The following EYS variants were observed in gnomAD, a reference collection of about 807,000 sequenced individuals.
EYS encodes protein eyes shut homolog.
EYS carries 250 observed loss-of-function variants against 282.1 expected under a neutral mutation model. That is an observed-to-expected ratio of 0.89 (90% CI 0.80 to 0.98). The LOEUF is 0.98. EYS is among the 50% of genes least tolerant of loss of function. The pLI is 0.00. For synonymous variants in EYS, 1,355 were observed against 1,282.9 expected (o/e 1.06, Z -1.20); for missense variants, 4,016 against 3,709.0 (o/e 1.08, Z -2.15).
chr6:64,633,943 T>C (rs9360010), intron 22 of EYS, among the ~76,000 whole-genome samples: 18,580 of 152,156 alleles, frequency 0.12, 1,343 homozygotes, highest in East Asian at 0.25. Flanking sequence ...CTTAAATTCT[T>C]GACTCACAGA....
chr6:64,929,091 G>T (rs1317716497), intron 15 of EYS, among the ~76,000 whole-genome samples: 2 of 152,062 alleles, frequency 1.3e-5, no homozygotes, highest in Non-Finnish European at 2.9e-5. Context: ...AGTATTTACA[G>T]TGATATTCAA....
chr6:65,581,255 A>G (rs1764858598), intron 2 of EYS, among the ~76,000 whole-genome samples: 1 of 152,092 alleles, frequency 6.6e-6, no homozygotes, highest in East Asian at 1.9e-4. Context: ...CATGTAGACT[A>G]GGACTGGTTC....
intron 35 of EYS, among the ~76,000 whole-genome samples, chr6:63,926,466 G>A (rs951497109): frequency 9.2e-5 from 14 of 152,182 alleles, no homozygotes; most frequent in Non-Finnish European, 1.6e-4. Flanking sequence ...GGCTCAGCAT[G>A]TCTTAGAGCC....
chr6:63,845,195 G>A (rs1772066599), intron 36 of EYS, among the ~76,000 whole-genome samples: 1 of 152,166 alleles, frequency 6.6e-6, no homozygotes, highest in Non-Finnish European at 1.5e-5. Flanking sequence ...AGGTACTGAA[G>A]ATGGGGGAGC....
chr6:63,990,892 C>T (rs922129934), intron 34 of EYS, among the ~76,000 whole-genome samples: 2 of 151,660 alleles, frequency 1.3e-5, no homozygotes, highest in Non-Finnish European at 3.0e-5. Flanking sequence ...GCTTCATGGC[C>T]TCTCCCTCAG....
intron 12 of EYS, among the ~76,000 whole-genome samples, chr6:65,144,176 A>G (rs958614964): frequency 2.0e-5 from 3 of 152,118 alleles, no homozygotes; most frequent in Non-Finnish European, 2.9e-5. Context: ...GAGAAGAGAC[A>G]TATTTCAGCT....
intron 30 of EYS, among the ~76,000 whole-genome samples, chr6:64,297,977 C>CAAAAA (rs34562408): frequency 2.7e-3 from 261 of 96,416 alleles, no homozygotes; most frequent in African/African-American, 9.7e-3. Flanking sequence ...GATTCTGTCT[C>CAAAAA]AAAAAAAAAA....
intron 12 of EYS, among the ~76,000 whole-genome samples, chr6:65,127,972 AAAT>A (rs577194050): frequency 2.2e-3 from 336 of 152,136 alleles, no homozygotes; most frequent in African/African-American, 7.8e-3. Context: ...TTAATCAATC[AAAT>A]AATAATAATA....
intron 8 of EYS, among the ~76,000 whole-genome samples, chr6:65,380,009 A>G (rs2150348571): frequency 6.6e-6 from 1 of 152,260 alleles, no homozygotes; most frequent in African/African-American, 2.4e-5. Flanking sequence ...GCTCATGGAC[A>G]GGAAAAATCA....
At chr6:64,044,727 AT>A (rs952046239) in intron 33 of EYS, among the ~76,000 whole-genome samples, 18 of 151,608 alleles carry the variant, frequency 1.2e-4, no homozygotes, top group Admixed American at 8.6e-4. Context: ...ATTTTGAGTG[AT>A]TTTTTTTTAC....
intron 31 of EYS, among the ~76,000 whole-genome samples, chr6:64,112,459 A>G (rs1220566018): frequency 1.3e-5 from 2 of 151,938 alleles, no homozygotes; most frequent in Non-Finnish European, 2.9e-5. Context: ...TATGGAGTAC[A>G]AAGTGACATT....
chr6:63,825,977 G>T (rs1397850775), intron 36 of EYS, among the ~76,000 whole-genome samples: 1 of 152,204 alleles, frequency 6.6e-6, no homozygotes, highest in Non-Finnish European at 1.5e-5. Flanking sequence ...AAAGCCCAAT[G>T]TGAGGAAATT....
intron 13 of EYS, among the ~76,000 whole-genome samples, chr6:65,027,435 A>T (rs1772455734): frequency 6.6e-6 from 1 of 152,144 alleles, no homozygotes; most frequent in Non-Finnish European, 1.5e-5. Context: ...GATGTTTTTA[A>T]TTTGTGTACA....
intron 2 of EYS, among the ~76,000 whole-genome samples, chr6:65,508,604 G>A (rs1766746873): frequency 6.7e-6 from 1 of 150,300 alleles, no homozygotes; most frequent in African/African-American, 2.5e-5. Context: ...AACCTGGGAG[G>A]CAGAGCCGAG....
intron 29 of EYS, among the ~76,000 whole-genome samples, chr6:64,357,836 A>G (rs1771877065): frequency 6.6e-6 from 1 of 151,562 alleles, no homozygotes; most frequent in South Asian, 2.1e-4. Flanking sequence ...GGCAGGTCAG[A>G]TTTTGCCCAA....
At chr6:63,905,655 T>G (rs931312092) in intron 35 of EYS, among the ~76,000 whole-genome samples, 1 of 152,148 alleles carries the variant, frequency 6.6e-6, no homozygotes, top group Non-Finnish European at 1.5e-5. Context: ...AGGAGTAAAA[T>G]TTAATAGAAT....
At chr6:65,587,179 A>G (rs945899119) in intron 2 of EYS, among the ~76,000 whole-genome samples, 2 of 152,050 alleles carry the variant, frequency 1.3e-5, no homozygotes, top group African/African-American at 4.8e-5. Flanking sequence ...GCTGCCATGT[A>G]TAACACTATT....
intron 12 of EYS, among the ~76,000 whole-genome samples, chr6:65,163,927 C>G (rs1764909222): frequency 6.6e-6 from 1 of 151,198 alleles, no homozygotes. Flanking sequence ...TATCAATTAG[C>G]TGGCACTCTG....
chr6:65,419,588 G>T (rs75872826), intron 5 of EYS, among the ~76,000 whole-genome samples: 4 of 151,724 alleles, frequency 2.6e-5, no homozygotes, highest in Non-Finnish European at 5.9e-5. Context: ...TTTCACATGC[G>T]ATTTTAAATT....
Sources: gnomAD v4.1 joint callset for allele counts (sites outside exome capture counted in the v4.1 genomes callset) on GRCh38, gnomAD v4.1.1 for gene constraint, MANE v1.5 for transcripts, NCBI Gene and HGNC (gene_info 2026-07-23, HGNC 2026-07-21) for gene names.